The following COMMD10 variants were observed in gnomAD, a reference collection of about 807,000 sequenced individuals.
COMMD10 encodes COMM domain containing 10, also known as COMM domain-containing protein 10.
Under a neutral mutation model 28.9 loss-of-function variants are expected in COMMD10, and 33 were observed. The ratio of observed to expected loss-of-function variants is 1.14; its 90% CI spans 0.87 to 1.53. The LOEUF is 1.53. COMMD10 is among the 40% of genes most tolerant of loss of function. The pLI, the probability that COMMD10 is intolerant of heterozygous loss-of-function variation, is 0.00. For missense variants in COMMD10, 310 were observed against 233.4 expected (o/e 1.33, Z -2.14); for synonymous variants, 110 against 81.7 (o/e 1.35, Z -1.87).
intron 5 of COMMD10, among the ~76,000 whole-genome samples, chr5:116,170,147 A>G (rs946864569): frequency 6.6e-6 from 1 of 152,198 alleles, no homozygotes; most frequent in African/African-American, 2.4e-5. Flanking sequence ...AAGTCTCAGG[A>G]TACAAAATCA....
At chr5:116,207,259 T>A (rs1306485999) in intron 5 of COMMD10, among the ~76,000 whole-genome samples, 2 of 152,210 alleles carry the variant, frequency 1.3e-5, no homozygotes, top group Non-Finnish European at 2.9e-5. Context: ...CCAATAGCTA[T>A]GTTTTATATC....
chr5:116,095,981 C>G (rs1272086395), intron 4 of COMMD10, among the ~76,000 whole-genome samples: 1 of 152,004 alleles, frequency 6.6e-6, no homozygotes, highest in Non-Finnish European at 1.5e-5. Flanking sequence ...TTTGTCTATG[C>G]CAATATCACA....
At chr5:116,201,800 A>C (rs1339682551) in intron 5 of COMMD10, among the ~76,000 whole-genome samples, 2 of 152,186 alleles carry the variant, frequency 1.3e-5, no homozygotes, top group Non-Finnish European at 1.5e-5. Context: ...TTTTTAATTT[A>C]TCCAAAGTTA....
chr5:116,268,428 A>G (rs912942359), intron 5 of COMMD10, among the ~76,000 whole-genome samples: 12 of 151,846 alleles, frequency 7.9e-5, no homozygotes, highest in African/African-American at 1.7e-4. Flanking sequence ...TTAGAATGGC[A>G]ATCATTAAAA....
At chr5:116,093,576 G>A (rs1366131392) in intron 4 of COMMD10, among the ~76,000 whole-genome samples, 1 of 152,162 alleles carries the variant, frequency 6.6e-6, no homozygotes, top group Non-Finnish European at 1.5e-5. Flanking sequence ...TATTGCTCTA[G>A]AAAGGGTGCT....
chr5:116,279,698 A>G (rs999221263), intron 5 of COMMD10, among the ~76,000 whole-genome samples: 2 of 151,836 alleles, frequency 1.3e-5, no homozygotes, highest in Non-Finnish European at 2.9e-5. Flanking sequence ...TAACTTGGCA[A>G]TGGTATTGCA....
chr5:116,085,048 C>T lies in COMMD10; in HGVS notation c.-5C>T, dbSNP rs768516305. The T allele has an allele frequency of 1.2e-6, 2 of 1,607,710 alleles. No homozygotes were observed. The highest frequency in any genetic ancestry group is 1.7e-6 in the Non-Finnish European group (2 of 1,178,418). On this transcript the variant is annotated 5_prime_UTR_variant, in exon 1 of 7. Transcript: ENST00000274458. ...ACAGACGGCGGCAGTGCGAGAAAGC[C>T]GAAGATGGCGGTCCCCGCGGCGCTG... is the stretch of plus-strand genomic sequence containing the variant.
intron 5 of COMMD10, among the ~76,000 whole-genome samples, chr5:116,270,180 G>A (rs975489740): frequency 4.0e-5 from 6 of 151,808 alleles, no homozygotes; most frequent in African/African-American, 1.5e-4. Flanking sequence ...GAAGGAGATG[G>A]GATGAATGGC....
chr5:116,206,103 G>A (rs758230615), intron 5 of COMMD10, among the ~76,000 whole-genome samples: 10 of 152,144 alleles, frequency 6.6e-5, no homozygotes, highest in African/African-American at 2.4e-5. Flanking sequence ...CAGATCAAAC[G>A]TTCAGAACAT....
intron 5 of COMMD10, among the ~76,000 whole-genome samples, chr5:116,165,860 G>T (rs944512151): frequency 2.0e-5 from 3 of 152,066 alleles, no homozygotes; most frequent in Non-Finnish European, 2.9e-5. Context: ...CTACACTGCT[G>T]TTTAGGGCTA....
At chr5:116,087,048 T>C (rs1333093941) in intron 1 of COMMD10, among the ~76,000 whole-genome samples, 1 of 152,238 alleles carries the variant, frequency 6.6e-6, no homozygotes, top group African/African-American at 2.4e-5. Context: ...ACTGTGTGCT[T>C]AGTGACCCCA....
At chr5:116,148,228 C>A (rs1396213207) in intron 5 of COMMD10, among the ~76,000 whole-genome samples, 1 of 151,756 alleles carries the variant, frequency 6.6e-6, no homozygotes, top group Non-Finnish European at 1.5e-5. Flanking sequence ...GAGAGACTTC[C>A]TTTTTCAGGG....
intron 4 of COMMD10, among the ~76,000 whole-genome samples, chr5:116,099,157 C>T (rs1750567024): frequency 6.6e-6 from 1 of 152,174 alleles, no homozygotes; most frequent in South Asian, 2.1e-4. Flanking sequence ...AGGCAACTAC[C>T]ATTCTACTCT....
intron 5 of COMMD10, among the ~76,000 whole-genome samples, chr5:116,139,283 C>G (rs1752123563): frequency 6.6e-6 from 1 of 151,606 alleles, no homozygotes; most frequent in Admixed American, 6.6e-5. Context: ...ACCATTTATT[C>G]TTATGTAGTA....
intron 5 of COMMD10, among the ~76,000 whole-genome samples, chr5:116,185,587 T>G (rs1163147096): frequency 2.0e-5 from 3 of 152,096 alleles, no homozygotes; most frequent in Non-Finnish European, 4.4e-5. Context: ...TTCCATTCTG[T>G]CTTATTGCAT....
rs116211132 is a variant in COMMD10, at chr5:116,162,705, G to T, written c.510+28527G>T. On this transcript the variant is annotated intron_variant, in intron 5 of 6. Transcript: ENST00000274458. ...AAGGTGTGTACTTTTCTATCCAGAG[G>T]GACAGTTTGTATACTGTTTGGTCAA... Among the ~76,000 whole-genome samples, 1,086 of 152,184 alleles carry T rather than the reference G, an allele frequency of 7.1e-3. 8 individuals carry two copies. Among genetic ancestry groups the T allele is most frequent in the Admixed American group, 0.011 (165 of 15,266 alleles).
intron 5 of COMMD10, among the ~76,000 whole-genome samples, chr5:116,215,695 A>AAT (rs58135204): frequency 0.033 from 4,382 of 133,322 alleles, 81 homozygotes; most frequent in Non-Finnish European, 0.051. Flanking sequence ...TAAAAAAAGA[A>AAT]ATATATATAT....
chr5:116,185,363 A>T (rs1376032253), intron 5 of COMMD10, among the ~76,000 whole-genome samples: 1 of 152,168 alleles, frequency 6.6e-6, no homozygotes, highest in Non-Finnish European at 1.5e-5. Flanking sequence ...CTAGCAGAGC[A>T]GCTATACTTT....
At chr5:116,095,744 A>G (rs749329189) in intron 4 of COMMD10, among the ~76,000 whole-genome samples, 1 of 152,114 alleles carries the variant, frequency 6.6e-6, no homozygotes, top group Middle Eastern at 3.4e-3. Context: ...AATGTTTTAC[A>G]TATTTATATT....
Sources: allele counts gnomAD v4.1 joint callset (sites outside exome capture counted in the v4.1 genomes callset), GRCh38; gene constraint gnomAD v4.1.1; transcripts MANE v1.5; gene names NCBI Gene and HGNC (gene_info 2026-07-23, HGNC 2026-07-21).